The following PRORP variants were observed in gnomAD, a reference collection of about 807,000 sequenced individuals.
PRORP encodes the protein mitochondrial ribonuclease P catalytic subunit.
PRORP carries 51 observed loss-of-function variants against 59.4 expected under a neutral mutation model. The observed-to-expected ratio is 0.86, with a 90% CI of 0.69 to 1.08. PRORP has a LOEUF of 1.08. PRORP is among the 50% of genes least tolerant of loss of function. PRORP has a pLI of 0.00. For synonymous variants in PRORP, 231 were observed against 245.6 expected, an observed-to-expected ratio of 0.94 and a Z score of 0.55; for missense variants, 646 against 690.3, an observed-to-expected ratio of 0.94 and a Z score of 0.72.
intron 4 of PRORP, among the ~76,000 whole-genome samples, chr14:35,147,262 T>C (rs748078630): frequency 6.6e-6 from 1 of 152,228 alleles, no homozygotes; most frequent in Non-Finnish European, 1.5e-5. Flanking sequence ...ATCTTTTTGC[T>C]GATGGCAAGT....
intron 2 of PRORP, among the ~76,000 whole-genome samples, chr14:35,125,694 T>C (rs1038396128): frequency 6.6e-6 from 1 of 152,180 alleles, no homozygotes; most frequent in Non-Finnish European, 1.5e-5. Context: ...AATCTTTGAA[T>C]ACCAAGGAGT....
intron 4 of PRORP, among the ~76,000 whole-genome samples, chr14:35,176,417 T>TGA (rs1010615127): frequency 1.4e-4 from 22 of 152,210 alleles, no homozygotes; most frequent in Non-Finnish European, 2.5e-4. Context: ...TTTATTTCGT[T>TGA]GAGCAGTGGT....
At chr14:35,205,525 T>C (rs566975410) in intron 5 of PRORP, among the ~76,000 whole-genome samples, 1 of 152,256 alleles carries the variant, frequency 6.6e-6, no homozygotes, top group South Asian at 2.1e-4. Flanking sequence ...TCTCGCTATG[T>C]TACCCAGGCT....
chr14:35,155,560 TAA>T (rs33984722), intron 4 of PRORP, among the ~76,000 whole-genome samples: 22,113 of 108,702 alleles, frequency 0.2, 2,143 homozygotes, highest in Middle Eastern at 0.31. Context: ...GGTGTCTATT[TAA>T]AAAAAAAAAA....
At chr14:35,154,957 C>T (rs2047875091) in intron 4 of PRORP, among the ~76,000 whole-genome samples, 1 of 152,008 alleles carries the variant, frequency 6.6e-6, no homozygotes, top group Non-Finnish European at 1.5e-5. Flanking sequence ...TGCAGTGGCA[C>T]AATCACAGCT....
chr14:35,239,627 A>AT (rs2050310286), intron 5 of PRORP, among the ~76,000 whole-genome samples: 1 of 152,232 alleles, frequency 6.6e-6, no homozygotes, highest in Non-Finnish European at 1.5e-5. Flanking sequence ...GACAGGTTAC[A>AT]TGTACATGAC....
intron 5 of PRORP, among the ~76,000 whole-genome samples, chr14:35,254,954 A>C (rs1009179568): frequency 1.3e-5 from 2 of 152,092 alleles, no homozygotes; most frequent in Non-Finnish European, 2.9e-5. Flanking sequence ...TTGCCGGGCT[A>C]GTTCATCTGA....
chr14:35,154,246 G>A (rs1005476297), intron 4 of PRORP, among the ~76,000 whole-genome samples: 2 of 152,210 alleles, frequency 1.3e-5, no homozygotes, highest in Non-Finnish European at 2.9e-5. Context: ...TGAATTAAAA[G>A]TGCAGAGTCT....
chr14:35,265,938 C>T (rs2415280), intron 5 of PRORP, among the ~76,000 whole-genome samples: 3 of 150,976 alleles, frequency 2.0e-5, no homozygotes, highest in Admixed American at 6.6e-5. Context: ...TGCTTTGGGA[C>T]GCCAAGGCAG....
intron 7 of PRORP, among the ~76,000 whole-genome samples, chr14:35,272,935 ATG>A (rs1414936311): frequency 6.6e-6 from 1 of 152,206 alleles, no homozygotes; most frequent in Non-Finnish European, 1.5e-5. Flanking sequence ...ACCTAATACA[ATG>A]TAAATGCTAT....
intron 5 of PRORP, among the ~76,000 whole-genome samples, chr14:35,205,481 T>C (rs1325057713): frequency 2.6e-5 from 4 of 152,178 alleles, no homozygotes; most frequent in Admixed American, 2.0e-4. Flanking sequence ...TGAGGCACCA[T>C]GCCTGGCCTA....
chr14:35,146,160 C>T (rs2047606004), intron 4 of PRORP, among the ~76,000 whole-genome samples: 1 of 152,092 alleles, frequency 6.6e-6, no homozygotes, highest in African/African-American at 2.4e-5. Context: ...AAACTTTAAT[C>T]ATAATCACAG....
At chr14:35,126,394 T>C (rs2047098783) in intron 2 of PRORP, among the ~76,000 whole-genome samples, 1 of 152,176 alleles carries the variant, frequency 6.6e-6, no homozygotes, top group Non-Finnish European at 1.5e-5. Context: ...AAGAGGTAAA[T>C]TACTCTCGGC....
At chr14:35,196,983 C>A (rs929758766) in intron 5 of PRORP, among the ~76,000 whole-genome samples, 5 of 152,166 alleles carry the variant, frequency 3.3e-5, no homozygotes, top group Non-Finnish European at 5.9e-5. Flanking sequence ...CTTCATAGTC[C>A]TTTCTTTTCA....
At chr14:35,273,036 T>G (rs1057201123) in intron 7 of PRORP, among the ~76,000 whole-genome samples, 1 of 152,208 alleles carries the variant, frequency 6.6e-6, no homozygotes, top group African/African-American at 2.4e-5. Flanking sequence ...TTGTTGTTGT[T>G]GTTGTTTTGT....
At position 35,136,562 on chromosome 14, in the gene PRORP, C is replaced by T. The variant is rs906338409; in HGVS notation, c.1167+8951C>T. On this transcript the variant is annotated intron_variant, in intron 4 of 7. Transcript: ENST00000534898. ...GCTAATTTTGTATTTTTAGTAGAGACGGGGGTTTCTCCATATTGGTGAGGC... is the reference window on the plus strand; with the variant it reads ...GCTAATTTTGTATTTTTAGTAGAGATGGGGGTTTCTCCATATTGGTGAGGC... Among the ~76,000 whole-genome samples the T allele has an allele frequency of 1.4e-5, 2 of 144,540 alleles. 1 individual carries two copies. Among genetic ancestry groups the T allele is most frequent in the East Asian group, 4.7e-4 (2 of 4,236 alleles). 94.8% of individuals were successfully genotyped at this position (144,540 alleles called of 152,430 possible).
At chr14:35,171,797 T>C (rs1194220028) in intron 4 of PRORP, among the ~76,000 whole-genome samples, 1 of 152,190 alleles carries the variant, frequency 6.6e-6, no homozygotes, top group Admixed American at 6.5e-5. Context: ...CTGTTTGATA[T>C]TGTACCACAG....
intron 5 of PRORP, among the ~76,000 whole-genome samples, chr14:35,207,129 T>G (rs2049314873): frequency 6.6e-6 from 1 of 152,240 alleles, no homozygotes. Flanking sequence ...CAGCCTAATA[T>G]GCCAAACAAA....
chr14:35,175,338 A>C (rs181472496), intron 4 of PRORP, among the ~76,000 whole-genome samples: 9,349 of 152,058 alleles, frequency 0.061, 376 homozygotes, highest in Middle Eastern at 0.11. Flanking sequence ...ACAATGGTTG[A>C]ACTAGTTTAC....
Sources: allele counts gnomAD v4.1 joint callset (sites outside exome capture counted in the v4.1 genomes callset), GRCh38; gene constraint gnomAD v4.1.1; transcripts MANE v1.5; gene names NCBI Gene and HGNC (gene_info 2026-07-23, HGNC 2026-07-21).